Variants in PHLPP2 observed in about 807,000 individuals in gnomAD.
The protein encoded by PHLPP2 is PH domain leucine-rich repeat-containing protein phosphatase 2.
Under a neutral mutation model 124.9 loss-of-function variants are expected in PHLPP2, and 66 were observed. That is an observed-to-expected ratio of 0.53 (90% CI 0.43 to 0.65). PHLPP2 has a LOEUF of 0.65. PHLPP2 is among the 30% of genes least tolerant of loss of function. The probability of loss-of-function intolerance (pLI) is 0.00; values close to 1 mark genes in which losing one functional copy is unlikely to be tolerated. For synonymous variants in PHLPP2, 681 were observed against 624.7 expected, an observed-to-expected ratio of 1.09 and a Z score of -1.34; for missense variants, 1,685 against 1,600.4, an observed-to-expected ratio of 1.05 and a Z score of -0.90.
chr16:71,655,342 G>A lies in PHLPP2; in HGVS notation c.2483C>T (p.Pro828Leu). ...TGCCATCGTACACTGCAGCAGGCGCGGGAGCTCCTCATTTCGGTCTCCATC... is the reference window on the plus strand; with the variant it reads ...TGCCATCGTACACTGCAGCAGGCGCAGGAGCTCCTCATTTCGGTCTCCATC... Reference protein sequence around the residue: ...MFDGDRNEELPRLLQCTMADV... With the variant: ...MFDGDRNEELLRLLQCTMADV... The change falls in exon 17 of 19, where the codon CCG becomes CTG. Residue 828 changes from proline to leucine, a missense_variant. Coordinates refer to ENST00000568954, the MANE Select transcript of PHLPP2 (RefSeq NM_015020.3). 5 of 1,613,682 alleles carry A rather than the reference G, an allele frequency of 3.1e-6. No homozygotes were observed. Among genetic ancestry groups the A allele is most frequent in the Non-Finnish European group, 4.2e-6 (5 of 1,179,628 alleles).
chr16:71,694,825 C>A lies in PHLPP2; in HGVS notation c.419-4116G>T, dbSNP rs933489922. 7.2e-5 allele frequency among the ~76,000 whole-genome samples: 11 copies of A among 152,092 alleles called. No individual in the cohort carries two copies. In the South Asian group the frequency reaches 2.3e-3, roughly 32 times the overall value. On this transcript the variant is annotated intron_variant, in intron 3 of 18. Coordinates refer to ENST00000568954, the MANE Select transcript of PHLPP2 (RefSeq NM_015020.3). Reference sequence around the variant, plus strand: ...TTTGAGACGGAGTCTTGCTCTGTCGCCCAGGCTGGAGTGCAGTGGCTCGAT... The same window carrying A: ...TTTGAGACGGAGTCTTGCTCTGTCGACCAGGCTGGAGTGCAGTGGCTCGAT...
intron 4 of PHLPP2, among the ~76,000 whole-genome samples, chr16:71,686,783 T>TC (rs1432791602): frequency 6.6e-6 from 1 of 152,082 alleles, no homozygotes; most frequent in East Asian, 1.9e-4. Context: ...TTTTTTTTTT[T>TC]CGCTTAGCAG....
intron 6 of PHLPP2, among the ~76,000 whole-genome samples, chr16:71,681,497 C>CGGTGTCA (rs1320473629): frequency 2.0e-5 from 3 of 152,166 alleles, no homozygotes; most frequent in African/African-American, 7.2e-5. Context: ...GGCAGCAGAT[C>CGGTGTCA]ATACATCGGT....
intron 16 of PHLPP2, 142 bp downstream of exon 16, chr16:71,656,429 G>T (rs1230250479): frequency 7.1e-6 from 4 of 565,836 alleles, no homozygotes; most frequent in Non-Finnish European, 1.3e-5. Context: ...GATCCCAAAG[G>T]GATCTTATCT....
chr16:71,655,464 G>A (rs762241038), intron 16 of PHLPP2, 30 bp from the exon 17 acceptor site: 32 of 1,323,520 alleles, frequency 2.4e-5, no homozygotes, highest in Non-Finnish European at 3.4e-5. Flanking sequence ...ACAGAAAACA[G>A]AAAAGTTACT....
chr16:71,692,859 G>A (rs895784328), intron 3 of PHLPP2, among the ~76,000 whole-genome samples: 5 of 151,558 alleles, frequency 3.3e-5, no homozygotes, highest in Non-Finnish European at 5.9e-5. Flanking sequence ...GATCCATTGT[G>A]GATATGGACG....
In PHLPP2 at chr16:71,662,472, C is replaced by T. The variant is rs372517735; in HGVS notation, c.1985+1427G>A. Among the ~76,000 whole-genome samples, 80 of 151,906 alleles carry T rather than the reference C, an allele frequency of 5.3e-4. 1 individual carries two copies. Among genetic ancestry groups the T allele is most frequent in the African/African-American group, 1.8e-3 (75 of 41,442 alleles). On this transcript the variant is annotated intron_variant, in intron 13 of 18. Coordinates refer to ENST00000568954, the MANE Select transcript of PHLPP2 (RefSeq NM_015020.3). ...AATAAGTTGGGTATGGTGGTGCATGCCTGTAGTCCCATCTCCTTGGAAGGT... is the reference window on the plus strand; with the variant it reads ...AATAAGTTGGGTATGGTGGTGCATGTCTGTAGTCCCATCTCCTTGGAAGGT...
In PHLPP2 at chr16:71,677,453, C is replaced by CATAT. The variant is rs9302629; in HGVS notation, c.1269-808_1269-805dup. 796 of 133,462 alleles carry CATAT rather than the reference C, an allele frequency of 6.0e-3. 3 individuals are homozygous for CATAT. The highest frequency in any genetic ancestry group is 0.016 in the African/African-American group (537 of 34,522). The allele number at this position is 133,462 out of a possible 1,614,324, so 8.3% of individuals were successfully genotyped here. A position where few individuals can be genotyped will look rare whatever the true frequency, so the allele number is the denominator to read the frequency against. On this transcript the variant is annotated intron_variant, in intron 8 of 18. Coordinates refer to ENST00000568954, the MANE Select transcript of PHLPP2 (RefSeq NM_015020.3). ...TTAACAGACAAGGAAATAATCTGCA[C>CATAT]ATATATATATATATATATATATATA...
Position 71,714,836 on chromosome 16 carries a change from G to A in PHLPP2, c.-6-35C>T, listed in dbSNP as rs28446857. 0.01 allele frequency: 16,361 copies of A among 1,584,826 alleles called. 1,345 individuals carry two copies. In the African/African-American group the frequency reaches 0.19, roughly 18 times the overall value. Reference sequence around the variant, plus strand: ...ATCAAGAGAAAGAAATCGTTAGCTAGAACATCTGACTGAATTAGACATTTC... The same window carrying A: ...ATCAAGAGAAAGAAATCGTTAGCTAAAACATCTGACTGAATTAGACATTTC... On this transcript the variant is annotated intron_variant, in intron 1 of 18. Coordinates refer to ENST00000568954, the MANE Select transcript of PHLPP2 (RefSeq NM_015020.3).
intron 1 of PHLPP2, among the ~76,000 whole-genome samples, chr16:71,715,860 G>C (rs1051938790): frequency 6.6e-6 from 1 of 151,032 alleles, no homozygotes; most frequent in Non-Finnish European, 1.5e-5. Flanking sequence ...GCCGAGTGTG[G>C]TGGCACGTGC....
intron 3 of PHLPP2, among the ~76,000 whole-genome samples, chr16:71,695,961 G>A (rs2045165964): frequency 6.6e-6 from 1 of 152,022 alleles, no homozygotes; most frequent in African/African-American, 2.4e-5. Flanking sequence ...CTTAGGAGGT[G>A]ATTATAACAA....
intron 1 of PHLPP2, among the ~76,000 whole-genome samples, chr16:71,718,922 A>G (rs2045380630): frequency 6.6e-6 from 1 of 152,274 alleles, no homozygotes; most frequent in South Asian, 2.1e-4. Context: ...TTACAGCAAC[A>G]ATCTAGATGG....
At chr16:71,660,973 C>T (rs571072132) in intron 13 of PHLPP2, among the ~76,000 whole-genome samples, 14 of 151,952 alleles carry the variant, frequency 9.2e-5, no homozygotes, top group African/African-American at 3.1e-4. Context: ...ACAGAACACA[C>T]ATTTTTAAAA....
chr16:71,715,064 CG>C (rs2045352781), intron 1 of PHLPP2: 1 of 457,824 alleles, frequency 2.2e-6, no homozygotes, highest in Non-Finnish European at 3.9e-6. Context: ...TCAAGAATAA[CG>C]AAACAGCGGG....
intron 13 of PHLPP2, among the ~76,000 whole-genome samples, chr16:71,660,684 G>A (rs1234855456): frequency 2.6e-5 from 4 of 152,084 alleles, no homozygotes; most frequent in South Asian, 2.1e-4. Flanking sequence ...GATTACAGGC[G>A]TGAGCCACTG....
chr16:71,714,468 A>G (rs1411959153), intron 2 of PHLPP2, 44 bp downstream of exon 2: 2 of 1,523,554 alleles, frequency 1.3e-6, no homozygotes, highest in South Asian at 2.7e-5. Flanking sequence ...ACACATTATT[A>G]TTTATATTAC....
At chr16:71,663,483 T>C (rs2044811765) in intron 13 of PHLPP2, among the ~76,000 whole-genome samples, 1 of 152,206 alleles carries the variant, frequency 6.6e-6, no homozygotes, top group Non-Finnish European at 1.5e-5. Flanking sequence ...TGACTATACA[T>C]TCCTAGAGGA....
At chr16:71,715,362 T>C (rs540484717) in intron 1 of PHLPP2, 1 of 151,358 alleles carries the variant, frequency 6.6e-6, no homozygotes, top group African/African-American at 2.4e-5. Context: ...GAGCGAGACC[T>C]TGTCTCTCAA....
chr16:71,668,272 C>A (rs1303921623), intron 11 of PHLPP2, among the ~76,000 whole-genome samples: 1 of 151,662 alleles, frequency 6.6e-6, no homozygotes, highest in Non-Finnish European at 1.5e-5. Context: ...AAAATTTAGC[C>A]GGGCGTGGCA....
Sources: gnomAD v4.1 joint callset for allele counts (sites outside exome capture counted in the v4.1 genomes callset) on GRCh38, gnomAD v4.1.1 for gene constraint, MANE v1.5 for transcripts, NCBI Gene and HGNC (gene_info 2026-07-23, HGNC 2026-07-21) for gene names.